CEP97: variants seen among roughly 807,000 people sequenced by gnomAD.
The protein encoded by CEP97 is centrosomal protein of 97 kDa.
Under a neutral mutation model 73.1 loss-of-function variants are expected in CEP97, and 43 were observed. The observed-to-expected ratio is 0.59, with a 90% CI of 0.46 to 0.76. CEP97 has a LOEUF of 0.76. Among genes scored for constraint, CEP97 ranks in the 30% least tolerant of loss-of-function variants. CEP97 has a pLI of 0.00. For missense variants in CEP97, 939 were observed against 1,014.0 expected (o/e 0.93, Z 1.00); for synonymous variants, 337 against 370.0 (o/e 0.91, Z 1.02).
rs140175209 is a variant in CEP97 at position 101,736,454 on chromosome 3, G to A, written c.728+3800G>A. Among the ~76,000 whole-genome samples the A allele has an allele frequency of 5.9e-5, 9 of 152,298 alleles. No individual in the cohort carries two copies. The East Asian group carries it at 1.4e-3, about 23-fold the overall frequency. On this transcript the variant is annotated intron_variant, in intron 6 of 10. Coordinates refer to ENST00000341893, the MANE Select transcript of CEP97 (RefSeq NM_024548.4). ...CAGACACCTCATATAGGAGAACTCC[G>A]GCTGGCATTTGGTGAGTGCCCCTCT... is the stretch of plus-strand genomic sequence containing the variant.
At position 101,768,414 on chromosome 3, in the gene CEP97, C is replaced by T. The variant is rs1009229854; in HGVS notation, c.*2863C>T. 3.3e-5 allele frequency: 5 copies of T among 152,210 alleles called. No individual in the cohort carries two copies. Among genetic ancestry groups the T allele is most frequent in the African/African-American group, 1.2e-4 (5 of 41,462 alleles). The allele number at this position is 152,210 out of a possible 1,614,324, so 9.4% of individuals were successfully genotyped here. ...AGGAAAAAAACTTCTAAGAGAGCTA[C>T]AACTCTATCACTCATGACAGAGTTG... On this transcript the variant is annotated 3_prime_UTR_variant, in exon 11 of 11. Coordinates refer to ENST00000341893, the MANE Select transcript of CEP97 (RefSeq NM_024548.4).
chr3:101,725,747 C>G (rs1021793847), intron 1 of CEP97, among the ~76,000 whole-genome samples: 1 of 152,182 alleles, frequency 6.6e-6, no homozygotes, highest in African/African-American at 2.4e-5. Flanking sequence ...TGGCCCCGCC[C>G]TCTTTGGAGA....
Position 101,757,161 on chromosome 3 carries a change from G to T in CEP97, c.992G>T (p.Ser331Ile), listed in dbSNP as rs1939029648. Residue 331 changes from serine (S) to isoleucine (I), a missense_variant, in exon 8 of 11, where the codon AGC becomes ATC. Physicochemically the swap from Ser to Ile is moderately radical, Grantham distance 142. Transcript: ENST00000341893. ...TRASLIPEHS[S>I]PVQDCQISQE... is the part of the protein sequence containing the mutation. ...GCATCCCTTATTCCTGAGCATTCAA[G>T]CCCTGTTCAAGATTGCCAGATATCC... 1 of 1,611,846 alleles carries T rather than the reference G, an allele frequency of 6.2e-7. No individual in the cohort carries two copies. The highest frequency in any genetic ancestry group is 2.2e-5 in the East Asian group (1 of 44,726).
At chr3:101,753,026 T>C (rs1482631820) in intron 6 of CEP97, among the ~76,000 whole-genome samples, 1 of 152,218 alleles carries the variant, frequency 6.6e-6, no homozygotes, top group Non-Finnish European at 1.5e-5. Context: ...TTTGTGGTTT[T>C]ATCTACTTTT....
At chr3:101,730,198 C>A (rs544691546) in intron 4 of CEP97, among the ~76,000 whole-genome samples, 1 of 152,258 alleles carries the variant, frequency 6.6e-6, no homozygotes, top group South Asian at 2.1e-4. Flanking sequence ...GCTAGGATTA[C>A]AGGCATGAGC....
chr3:101,755,177 T>C (rs1938969286), intron 6 of CEP97, among the ~76,000 whole-genome samples: 1 of 152,152 alleles, frequency 6.6e-6, no homozygotes, highest in Non-Finnish European at 1.5e-5. Flanking sequence ...TGAAAATGAT[T>C]TAAAAATATT....
At chr3:101,743,202 C>T (rs1181303363) in intron 6 of CEP97, among the ~76,000 whole-genome samples, 1 of 151,738 alleles carries the variant, frequency 6.6e-6, no homozygotes, top group Non-Finnish European at 1.5e-5. Flanking sequence ...GATGAAATTG[C>T]ACCACTGTAC....
chr3:101,765,712 C>A lies in CEP97; in HGVS notation c.*161C>A. 1 of 606,026 alleles carries A rather than the reference C, an allele frequency of 1.7e-6. No individual in the cohort carries two copies. The highest frequency in any genetic ancestry group is 2.8e-6 in the Non-Finnish European group (1 of 355,458). The allele number at this position is 606,026 out of a possible 1,614,324, so 37.5% of individuals were successfully genotyped here. The stretch of plus-strand genomic sequence containing the variant: ...TATTTTTCAGATTCTAGATATTGAG[C>A]TGAGTTTTCATTTTGATTTTGTTAG... On this transcript the variant is annotated 3_prime_UTR_variant, in exon 11 of 11. Coordinates refer to ENST00000341893, the MANE Select transcript of CEP97 (RefSeq NM_024548.4).
At chr3:101,743,545 A>G (rs2107156019) in intron 6 of CEP97, among the ~76,000 whole-genome samples, 1 of 152,092 alleles carries the variant, frequency 6.6e-6, no homozygotes, top group Non-Finnish European at 1.5e-5. Flanking sequence ...ATAGGCACAC[A>G]CCACTGTGCC....
chr3:101,760,976 C>T (rs1386221139), intron 9 of CEP97, among the ~76,000 whole-genome samples: 5 of 152,102 alleles, frequency 3.3e-5, no homozygotes, highest in Non-Finnish European at 5.9e-5. Context: ...GATCCTCCTG[C>T]CTCAGCCTCC....
In CEP97 at chr3:101,765,395, C is replaced by A. The variant is rs369537927; in HGVS notation, c.2442C>A (p.Asp814Glu). ...CAGTACAGTTAGATACATTGTCTGA[C>A]GGTGCTTCTGTAGATGAGAGTCATG... ...CFPVQLDTLS[D>E]GASVDESHGI... Residue 814 changes from aspartate (D) to glutamate (E), a missense_variant, in exon 11 of 11, where the codon GAC becomes GAA. By Grantham distance (45) the Asp-to-Glu change is conservative (BLOSUM62 2). Transcript: ENST00000341893. 83 of 1,613,988 alleles carry A rather than the reference C, an allele frequency of 5.1e-5. No homozygotes were observed. The highest frequency in any genetic ancestry group is 6.8e-5 in the Non-Finnish European group (80 of 1,180,020).
intron 6 of CEP97, among the ~76,000 whole-genome samples, chr3:101,748,512 C>G (rs1161582848): frequency 6.6e-6 from 1 of 152,162 alleles, no homozygotes; most frequent in Non-Finnish European, 1.5e-5. Flanking sequence ...GTCTTCTACT[C>G]TGGACCTATT....
At chr3:101,749,298 T>C (rs1396082961) in intron 6 of CEP97, among the ~76,000 whole-genome samples, 1 of 151,130 alleles carries the variant, frequency 6.6e-6, no homozygotes. Flanking sequence ...TCCAATTTCA[T>C]CCATGTCCCT....
chr3:101,730,304 T>G (rs1191590352), intron 4 of CEP97, among the ~76,000 whole-genome samples: 5 of 151,644 alleles, frequency 3.3e-5, no homozygotes, highest in Non-Finnish European at 1.5e-5. Flanking sequence ...TTTGCTCTGT[T>G]GCCCAGGCTG....
At chr3:101,749,091 C>A (rs1390377281) in intron 6 of CEP97, among the ~76,000 whole-genome samples, 1 of 151,212 alleles carries the variant, frequency 6.6e-6, no homozygotes, top group East Asian at 1.9e-4. Context: ...TGTGCGGCAC[C>A]CATTAACTCG....
intron 6 of CEP97, among the ~76,000 whole-genome samples, chr3:101,742,626 C>T (rs1414235650): frequency 2.0e-5 from 3 of 151,734 alleles, no homozygotes; most frequent in African/African-American, 7.3e-5. Context: ...AGGAGAAATA[C>T]CTAATGTAGG....
At chr3:101,754,386 T>TA (rs1938947164) in intron 6 of CEP97, among the ~76,000 whole-genome samples, 1 of 152,234 alleles carries the variant, frequency 6.6e-6, no homozygotes, top group Non-Finnish European at 1.5e-5. Context: ...TATTCAGTCT[T>TA]ATATTTTCAA....
At position 101,767,671 on chromosome 3, in the gene CEP97, G is replaced by A. The variant is rs1392308702; in HGVS notation, c.*2120G>A. 4 of 152,024 alleles carry A rather than the reference G, an allele frequency of 2.6e-5. No individual in the cohort carries two copies. Among genetic ancestry groups the A allele is most frequent in the African/African-American group, 9.7e-5 (4 of 41,384 alleles). 9.4% of individuals were successfully genotyped at this position (152,024 alleles called of 1,614,324 possible). The stretch of plus-strand genomic sequence containing the variant: ...TTTTTACCTTTGCCTTGTTTCTTTA[G>A]CCCACAAATAGTACTCAGCATACTT... On this transcript the variant is annotated 3_prime_UTR_variant, in exon 11 of 11. Coordinates refer to ENST00000341893, the MANE Select transcript of CEP97 (RefSeq NM_024548.4).
At chr3:101,724,837 C>G in intron 1 of CEP97, 118 bp downstream of exon 1, 2 of 1,069,502 alleles carry the variant, frequency 1.9e-6, no homozygotes, top group Middle Eastern at 2.0e-4. Context: ...TGATGCGGAT[C>G]TGTGGTCGTC....
Sources: gnomAD v4.1 joint callset for allele counts (sites outside exome capture counted in the v4.1 genomes callset) on GRCh38, gnomAD v4.1.1 for gene constraint, MANE v1.5 for transcripts, NCBI Gene and HGNC (gene_info 2026-07-23, HGNC 2026-07-21) for gene names.